CECR2: variants seen among roughly 807,000 people sequenced by gnomAD.
CECR2 encodes the protein chromatin remodeling regulator CECR2.
Under a neutral mutation model 154.5 loss-of-function variants are expected in CECR2, and 30 were observed. The observed-to-expected ratio is 0.19, with a 90% CI of 0.15 to 0.26. CECR2 has a LOEUF of 0.26. Ranked by LOEUF, CECR2 falls within the 10% of genes least tolerant of loss-of-function variation. The probability of loss-of-function intolerance (pLI) is 1.00; values close to 1 mark genes in which losing one functional copy is unlikely to be tolerated. For missense variants in CECR2, 1,743 were observed against 1,829.3 expected, an observed-to-expected ratio of 0.95 and a Z score of 0.86; for synonymous variants, 725 against 683.7, an observed-to-expected ratio of 1.06 and a Z score of -0.94.
chr22:17,548,392 C>T lies in CECR2; in HGVS notation c.3105C>T (p.Ala1035=), dbSNP rs751269948. Residue 1035 remains alanine, a synonymous_variant, in exon 17 of 19, where the codon GCC becomes GCT. Coordinates refer to ENST00000262608, the MANE Select transcript of CECR2 (RefSeq NM_001290047.2). ...WPSDSSYPGP[A]AQGCVRDLST... is the part of the protein sequence containing the mutation. ...CGGATAGCAGCTACCCCGGCCCAGC[C>T]GCCCAAGGGTGCGTGAGAGACCTCT... 5.0e-6 allele frequency: 8 copies of T among 1,613,472 alleles called. No individual in the cohort carries two copies. Among genetic ancestry groups the T allele is most frequent in the African/African-American group, 2.7e-5 (2 of 74,934 alleles).
In CECR2 at chr22:17,557,150, T is replaced by TTC. The variant is rs1339308188; in HGVS notation, c.*4311_*4312insCT. 2.8e-5 allele frequency: 4 copies of TTC among 142,072 alleles called. No homozygotes were observed. Among genetic ancestry groups the TTC allele is most frequent in the African/African-American group, 1.1e-4 (4 of 36,688 alleles). The allele number at this position is 142,072 out of a possible 1,614,324, so 8.8% of individuals were successfully genotyped here. A position where few individuals can be genotyped will look rare whatever the true frequency, so the allele number is the denominator to read the frequency against. ...CATCCCGTTTTTTTTCTTTTCTTTT[T>TTC]TTTTTTTTTTTTTTTGAGACGAAAT... is the stretch of plus-strand genomic sequence containing the variant. On this transcript the variant is annotated 3_prime_UTR_variant, in exon 19 of 19. Coordinates refer to ENST00000262608, the MANE Select transcript of CECR2 (RefSeq NM_001290047.2).
At chr22:17,465,901 G>C (rs1350913078) in intron 1 of CECR2, among the ~76,000 whole-genome samples, 1 of 152,196 alleles carries the variant, frequency 6.6e-6, no homozygotes, top group Non-Finnish European at 1.5e-5. Context: ...TTACAGGCAT[G>C]AGCCACTGCA....
At chr22:17,552,384 A>G (rs2056721817) in intron 18 of CECR2, among the ~76,000 whole-genome samples, 2 of 152,004 alleles carry the variant, frequency 1.3e-5, no homozygotes, top group South Asian at 4.1e-4. Context: ...TTTAAACCTC[A>G]TTTTTTCCAA....
intron 1 of CECR2, among the ~76,000 whole-genome samples, chr22:17,425,767 G>A (rs892481303): frequency 3.9e-5 from 6 of 152,156 alleles, no homozygotes; most frequent in Admixed American, 2.6e-4. Context: ...AACCAGATAG[G>A]AGGTTAACAC....
At chr22:17,477,727 A>G in intron 2 of CECR2, 45 bp downstream of exon 2, 1 of 1,340,312 alleles carries the variant, frequency 7.5e-7, no homozygotes, top group Non-Finnish European at 1.1e-6. Flanking sequence ...GCCAAGAACT[A>G]ATTAACCAAC....
chr22:17,460,600 G>A (rs1327967011), intron 1 of CECR2, among the ~76,000 whole-genome samples: 1 of 152,188 alleles, frequency 6.6e-6, no homozygotes, highest in Non-Finnish European at 1.5e-5. Context: ...TGGGGCTTCA[G>A]TTTCTTGCCC....
At chr22:17,362,901 C>CAAAAA (rs372498587) in intron 1 of CECR2, among the ~76,000 whole-genome samples, 1 of 82,156 alleles carries the variant, frequency 1.2e-5, no homozygotes, top group Non-Finnish European at 2.4e-5. Context: ...AACTCCGTCT[C>CAAAAA]AAAAAAAAAA....
At chr22:17,489,453 AT>A (rs1488507912) in intron 2 of CECR2, among the ~76,000 whole-genome samples, 2 of 151,878 alleles carry the variant, frequency 1.3e-5, no homozygotes, top group Non-Finnish European at 2.9e-5. Flanking sequence ...TGCTTATTTA[AT>A]TTATTTATTG....
At chr22:17,516,885 C>T (rs929285941) in intron 8 of CECR2, among the ~76,000 whole-genome samples, 23 of 151,934 alleles carry the variant, frequency 1.5e-4, no homozygotes, top group African/African-American at 5.1e-4. Flanking sequence ...TGAGCCACTG[C>T]GCCCAGCTGA....
chr22:17,361,622 C>G (rs967767371), intron 1 of CECR2, among the ~76,000 whole-genome samples: 24 of 151,592 alleles, frequency 1.6e-4, no homozygotes, highest in Non-Finnish European at 2.9e-5. Context: ...ACCCATAATT[C>G]TAGCTACTCG....
intron 1 of CECR2, among the ~76,000 whole-genome samples, chr22:17,433,059 T>G (rs988836368): frequency 6.6e-6 from 1 of 152,240 alleles, no homozygotes; most frequent in African/African-American, 2.4e-5. Context: ...ACATTTCTGG[T>G]TGCCTAAGTA....
intron 1 of CECR2, among the ~76,000 whole-genome samples, chr22:17,457,534 C>T (rs1189678518): frequency 2.0e-5 from 3 of 152,228 alleles, no homozygotes; most frequent in Non-Finnish European, 4.4e-5. Flanking sequence ...ATAAGCTCCC[C>T]AAGGGCAGGG....
intron 1 of CECR2, among the ~76,000 whole-genome samples, chr22:17,461,857 A>G (rs577885795): frequency 9.9e-5 from 15 of 151,572 alleles, no homozygotes; most frequent in African/African-American, 2.7e-4. Context: ...CAATGGCACA[A>G]CCTTGGCTCA....
intron 1 of CECR2, among the ~76,000 whole-genome samples, chr22:17,420,576 A>G (rs1309460463): frequency 6.6e-6 from 1 of 152,202 alleles, no homozygotes; most frequent in African/African-American, 2.4e-5. Context: ...TTTATTGAGC[A>G]TAGCTTGTCC....
chr22:17,542,981 A>G lies in CECR2; in HGVS notation c.2838A>G (p.Ala946=). 3.1e-6 allele frequency: 5 copies of G among 1,610,434 alleles called. No individual in the cohort carries two copies. Among genetic ancestry groups the G allele is most frequent in the Non-Finnish European group, 4.2e-6 (5 of 1,177,946 alleles). The change falls in exon 16 of 19, where the codon GCA becomes GCG. Residue 946 remains alanine (A), a synonymous_variant. Transcript: ENST00000262608. ...NPGRAPENSE[A]QEPENDQAEP... is the part of the protein sequence containing the mutation. ...GGAGGGCACCGGAGAACAGTGAAGC[A>G]CAAGAGCCTGAGAATGACCAAGGTA...
At chr22:17,487,157 C>T (rs2055436198) in intron 2 of CECR2, among the ~76,000 whole-genome samples, 1 of 152,196 alleles carries the variant, frequency 6.6e-6, no homozygotes, top group Non-Finnish European at 1.5e-5. Context: ...TGCAACACTA[C>T]ATACTTTTTC....
At chr22:17,361,314 C>T (rs1329167559) in intron 1 of CECR2, among the ~76,000 whole-genome samples, 2 of 152,160 alleles carry the variant, frequency 1.3e-5, no homozygotes, top group African/African-American at 4.8e-5. Flanking sequence ...TGGCAAAACC[C>T]CATCTCTGCT....
intron 2 of CECR2, among the ~76,000 whole-genome samples, chr22:17,494,706 T>G (rs150600949): frequency 6.6e-6 from 1 of 152,194 alleles, no homozygotes. Flanking sequence ...GTTTTTTTGT[T>G]TTTTTTGAGA....
In CECR2 at chr22:17,542,558, C is replaced by A; in HGVS notation, c.2415C>A (p.Leu805=). 1 of 1,614,002 alleles carries A rather than the reference C, an allele frequency of 6.2e-7. No individual in the cohort carries two copies. Among genetic ancestry groups the A allele is most frequent in the South Asian group, 1.1e-5 (1 of 91,084 alleles). The change falls in exon 16 of 19, where the codon CTC becomes CTA. Residue 805 remains leucine, a synonymous_variant. Transcript: ENST00000262608. ...GACCCTCTCACCAGCCTCGCACTCT[C>A]GGTCACGTGATGGATTCCCGAGTCA... ...GPGPSHQPRT[L]GHVMDSRVMR...
Sources: gnomAD v4.1 joint callset for allele counts (sites outside exome capture counted in the v4.1 genomes callset) on GRCh38, gnomAD v4.1.1 for gene constraint, MANE v1.5 for transcripts, NCBI Gene and HGNC (gene_info 2026-07-23, HGNC 2026-07-21) for gene names.